The following ROBO1 variants were observed in gnomAD, a reference collection of about 807,000 sequenced individuals.
ROBO1 encodes roundabout homolog 1.
In ROBO1, 149 loss-of-function variants were observed where a neutral mutation model predicts 195.9. The observed-to-expected ratio is 0.76, with a 90% CI of 0.67 to 0.87. The LOEUF (loss-of-function observed/expected upper bound fraction) is 0.87, where lower values mean the gene tolerates loss of function less well. Ranked by LOEUF, ROBO1 falls within the 40% of genes least tolerant of loss-of-function variation. ROBO1 has a pLI of 0.00. For missense variants in ROBO1, 1,933 were observed against 2,068.3 expected (o/e 0.93, Z 1.27); for synonymous variants, 816 against 733.2 (o/e 1.11, Z -1.82).
intron 3 of ROBO1, among the ~76,000 whole-genome samples, chr3:79,023,709 T>G (rs1414057069): frequency 3.7e-5 from 5 of 133,658 alleles, no homozygotes; most frequent in Non-Finnish European, 6.4e-5. Context: ...TTTTTTTTTT[T>G]TTTTTTTTTT....
chr3:79,305,083 C>T (rs1576950157), intron 2 of ROBO1, among the ~76,000 whole-genome samples: 1 of 152,224 alleles, frequency 6.6e-6, no homozygotes, highest in South Asian at 2.1e-4. Flanking sequence ...TCTGACATTT[C>T]CAAGTTTCTT....
At chr3:79,113,892 A>G (rs2079939989) in intron 3 of ROBO1, among the ~76,000 whole-genome samples, 1 of 152,104 alleles carries the variant, frequency 6.6e-6, no homozygotes, top group South Asian at 2.1e-4. Context: ...CACATAACTT[A>G]TATGGTTTGG....
intron 4 of ROBO1, among the ~76,000 whole-genome samples, chr3:78,823,072 A>G (rs1239786379): frequency 6.6e-6 from 1 of 152,216 alleles, no homozygotes; most frequent in Non-Finnish European, 1.5e-5. Flanking sequence ...TTCTAATGGC[A>G]AAACTGAAAT....
At chr3:79,519,226 G>A (rs1048457045) in intron 2 of ROBO1, among the ~76,000 whole-genome samples, 2 of 152,070 alleles carry the variant, frequency 1.3e-5, no homozygotes, top group Non-Finnish European at 2.9e-5. Context: ...TCTCAATGGC[G>A]CTGAAAATTT....
intron 4 of ROBO1, among the ~76,000 whole-genome samples, chr3:78,771,956 A>G (rs2083386974): frequency 1.3e-5 from 2 of 152,136 alleles, no homozygotes; most frequent in African/African-American, 4.8e-5. Context: ...TCACATTGCT[A>G]TTAAAACAAG....
At chr3:79,288,178 T>C (rs763704743) in intron 2 of ROBO1, among the ~76,000 whole-genome samples, 3 of 152,184 alleles carry the variant, frequency 2.0e-5, no homozygotes, top group Admixed American at 1.3e-4. Flanking sequence ...AAACACCATT[T>C]CCTTTTCTTA....
chr3:79,357,411 C>T (rs755263665), intron 2 of ROBO1, among the ~76,000 whole-genome samples: 1 of 152,056 alleles, frequency 6.6e-6, no homozygotes, highest in Non-Finnish European at 1.5e-5. Context: ...GGAAATGCCT[C>T]AGGTAGTCAG....
Position 78,598,331 on chromosome 3 carries a change from A to G in ROBO1, c.*582T>C, listed in dbSNP as rs897423823. 5.2e-5 allele frequency: 8 copies of G among 152,444 alleles called. No homozygotes were observed. Among genetic ancestry groups the G allele is most frequent in the African/African-American group, 1.4e-4 (6 of 41,462 alleles). The allele number at this position is 152,444 out of a possible 1,614,324, so 9.4% of individuals were successfully genotyped here. A position where few individuals can be genotyped will look rare whatever the true frequency, so the allele number is the denominator to read the frequency against. ...GGTTTGCAAAGAGTAAATATTTACA[A>G]TGTTTCTACCCCATTCGAATTGTTT... is the stretch of plus-strand genomic sequence containing the variant. On this transcript the variant is annotated 3_prime_UTR_variant, in exon 31 of 31. Coordinates refer to ENST00000464233, the MANE Select transcript of ROBO1 (RefSeq NM_002941.4).
intron 1 of ROBO1, among the ~76,000 whole-genome samples, chr3:79,674,744 CTT>C (rs1446377177): frequency 6.6e-6 from 1 of 151,552 alleles, no homozygotes; most frequent in Non-Finnish European, 1.5e-5. Context: ...GAAAGAGAAA[CTT>C]TTGCATTTCA....
chr3:79,162,825 G>T (rs2080995198), intron 2 of ROBO1, among the ~76,000 whole-genome samples: 1 of 152,040 alleles, frequency 6.6e-6, no homozygotes, highest in Non-Finnish European at 1.5e-5. Context: ...TAAAATAAGA[G>T]AAATTGGGTA....
intron 18 of ROBO1, among the ~76,000 whole-genome samples, chr3:78,655,409 CA>C (rs1706943586): frequency 6.6e-6 from 1 of 152,106 alleles, no homozygotes; most frequent in African/African-American, 2.4e-5. Context: ...TGAACATTCC[CA>C]TAGACGATGT....
intron 2 of ROBO1, among the ~76,000 whole-genome samples, chr3:79,134,930 C>G (rs540791803): frequency 7.6e-6 from 1 of 131,954 alleles, no homozygotes; most frequent in African/African-American, 2.9e-5. Flanking sequence ...GGAGATATAC[C>G]TAATGCTAGA....
rs1010073080 is a variant in ROBO1, at chr3:78,878,097, T to C, written c.499+60504A>G. Among the ~76,000 whole-genome samples the C allele has an allele frequency of 7.2e-5, 11 of 152,244 alleles. 1 individual carries two copies. The highest frequency in any genetic ancestry group is 5.9e-4 in the Admixed American group (9 of 15,280). On this transcript the variant is annotated intron_variant, in intron 4 of 30. Transcript: ENST00000464233. ...GGCCATCGTTCTCAATTAAAAATGATAGTACTTTAGGAATGCTCTTGTTTA... is the reference window on the plus strand; with the variant it reads ...GGCCATCGTTCTCAATTAAAAATGACAGTACTTTAGGAATGCTCTTGTTTA...
intron 2 of ROBO1, among the ~76,000 whole-genome samples, chr3:79,534,503 T>A (rs1941781250): frequency 6.6e-6 from 1 of 152,174 alleles, no homozygotes; most frequent in Non-Finnish European, 1.5e-5. Flanking sequence ...CTGAGTATAT[T>A]GTTAGATTCA....
intron 2 of ROBO1, among the ~76,000 whole-genome samples, chr3:79,486,218 T>TTA (rs1391620649): frequency 1.3e-5 from 2 of 152,058 alleles, no homozygotes; most frequent in African/African-American, 2.4e-5. Flanking sequence ...ATTTTATTTT[T>TTA]TATTTTATAT....
At chr3:79,394,986 G>A (rs1009598652) in intron 2 of ROBO1, among the ~76,000 whole-genome samples, 2 of 151,948 alleles carry the variant, frequency 1.3e-5, no homozygotes, top group Admixed American at 1.3e-4. Flanking sequence ...AGAACTTATG[G>A]AGTCTAGATC....
intron 3 of ROBO1, among the ~76,000 whole-genome samples, chr3:79,034,708 T>A (rs1213429198): frequency 2.0e-5 from 3 of 152,190 alleles, no homozygotes; most frequent in Non-Finnish European, 4.4e-5. Context: ...TGAAAACTTA[T>A]GAGTTGCTTA....
At chr3:78,761,469 A>G (rs1022735055) in intron 4 of ROBO1, among the ~76,000 whole-genome samples, 3 of 152,114 alleles carry the variant, frequency 2.0e-5, no homozygotes, top group East Asian at 3.8e-4. Flanking sequence ...TTTATATTCT[A>G]TGTTCTGAAA....
intron 4 of ROBO1, among the ~76,000 whole-genome samples, chr3:78,784,828 T>C (rs910402448): frequency 1.3e-5 from 2 of 152,146 alleles, no homozygotes; most frequent in Non-Finnish European, 2.9e-5. Flanking sequence ...GGTTACTAAT[T>C]CAATAACTTA....
Sources: allele counts gnomAD v4.1 joint callset (sites outside exome capture counted in the v4.1 genomes callset), GRCh38; gene constraint gnomAD v4.1.1; transcripts MANE v1.5; gene names NCBI Gene and HGNC (gene_info 2026-07-23, HGNC 2026-07-21).